Variants in ADAMTSL1 observed in about 807,000 individuals in gnomAD.
The protein encoded by ADAMTSL1 is ADAMTS like 1.
ADAMTSL1 carries 126 observed loss-of-function variants against 201.8 expected under a neutral mutation model. The observed-to-expected ratio is 0.62, with a 90% CI of 0.54 to 0.72. ADAMTSL1 has a LOEUF of 0.72. Among genes scored for constraint, ADAMTSL1 ranks in the 30% least tolerant of loss-of-function variants. The pLI is 0.00. For missense variants in ADAMTSL1, 2,679 were observed against 2,277.8 expected (o/e 1.18, Z -3.59); for synonymous variants, 1,121 against 903.4 (o/e 1.24, Z -4.32).
rs117524503 is a variant in ADAMTSL1, at chr9:18,407,438, A to C, written c.208-97391A>C. On this transcript the variant is annotated intron_variant, in intron 2 of 29. Transcript: ENST00000680146. ...GAAGAAGCAATTGAATCCTGGAATG[A>C]ATGAGAGAAGAGAGTTAAGGATTCT... Among the ~76,000 whole-genome samples, 551 of 152,310 alleles carry C rather than the reference A, an allele frequency of 3.6e-3. 2 individuals are homozygous for C. Among genetic ancestry groups the C allele is most frequent in the Admixed American group, 7.3e-3 (111 of 15,292 alleles).
chr9:18,858,580 G>A (rs937882041), intron 23 of ADAMTSL1, among the ~76,000 whole-genome samples: 5 of 152,326 alleles, frequency 3.3e-5, no homozygotes, highest in Admixed American at 1.3e-4. Flanking sequence ...GAAGCTAGTC[G>A]GTGAAATGGG....
chr9:18,173,203 A>G (rs1827983072), intron 2 of ADAMTSL1, among the ~76,000 whole-genome samples: 1 of 152,216 alleles, frequency 6.6e-6, no homozygotes, highest in African/African-American at 2.4e-5. Context: ...TATCTGGCAA[A>G]TAGAACAAAA....
At chr9:17,942,178 T>C (rs1342844039) in intron 1 of ADAMTSL1, among the ~76,000 whole-genome samples, 1 of 152,128 alleles carries the variant, frequency 6.6e-6, no homozygotes, top group East Asian at 1.9e-4. Flanking sequence ...GTTTGTTGGG[T>C]ACTGAGTGTC....
At chr9:18,890,325 C>T (rs1361869792) in intron 25 of ADAMTSL1, among the ~76,000 whole-genome samples, 2 of 152,190 alleles carry the variant, frequency 1.3e-5, no homozygotes, top group African/African-American at 2.4e-5. Context: ...CCCAGAGTGA[C>T]ACCTAAAGCC....
At chr9:18,613,828 G>A (rs1825539588) in intron 4 of ADAMTSL1, among the ~76,000 whole-genome samples, 2 of 152,176 alleles carry the variant, frequency 1.3e-5, no homozygotes, top group South Asian at 4.2e-4. Context: ...TATAGCCCAC[G>A]ACACGCATAT....
intron 22 of ADAMTSL1, among the ~76,000 whole-genome samples, chr9:18,829,477 C>T (rs1420484991): frequency 6.6e-6 from 1 of 152,124 alleles, no homozygotes; most frequent in Non-Finnish European, 1.5e-5. Context: ...GTATTTAGCA[C>T]AGAACTTGGC....
chr9:18,019,388 A>T (rs1220205084), intron 1 of ADAMTSL1, among the ~76,000 whole-genome samples: 1 of 152,102 alleles, frequency 6.6e-6, no homozygotes, highest in Non-Finnish European at 1.5e-5. Flanking sequence ...TCAAATTTAG[A>T]GTACTGTCAG....
chr9:18,296,001 T>C (rs1183332810), intron 2 of ADAMTSL1, among the ~76,000 whole-genome samples: 2 of 152,176 alleles, frequency 1.3e-5, no homozygotes, highest in African/African-American at 4.8e-5. Flanking sequence ...AATGATGCAA[T>C]ATAACATGAA....
At chr9:18,877,956 T>C (rs1382553753) in intron 23 of ADAMTSL1, among the ~76,000 whole-genome samples, 1 of 152,176 alleles carries the variant, frequency 6.6e-6, no homozygotes, top group Non-Finnish European at 1.5e-5. Flanking sequence ...CTGGGACTGC[T>C]ATAGGGGATT....
At chr9:18,484,056 C>T (rs781477644) in intron 1 of ADAMTSL1, among the ~76,000 whole-genome samples, 3 of 152,158 alleles carry the variant, frequency 2.0e-5, no homozygotes, top group Non-Finnish European at 4.4e-5. Flanking sequence ...TTGCATGTAG[C>T]ACGTCTCTGA....
At chr9:18,423,330 C>T (rs147557730) in intron 2 of ADAMTSL1, among the ~76,000 whole-genome samples, 2,084 of 152,246 alleles carry the variant, frequency 0.014, 29 homozygotes, top group Admixed American at 0.033. Context: ...ACATAAGTCA[C>T]CTAATAGGAA....
chr9:18,084,329 C>G (rs563237837), intron 1 of ADAMTSL1, among the ~76,000 whole-genome samples: 3 of 151,372 alleles, frequency 2.0e-5, no homozygotes, highest in Non-Finnish European at 2.9e-5. Context: ...AGAGACCAGC[C>G]TGGTCAACAT....
intron 1 of ADAMTSL1, among the ~76,000 whole-genome samples, chr9:18,076,417 A>T (rs1823227894): frequency 2.0e-5 from 3 of 152,218 alleles, no homozygotes; most frequent in South Asian, 2.1e-4. Flanking sequence ...GTGGAAAAAG[A>T]TCAGTGAGCA....
chr9:18,568,487 A>G (rs1364743829), intron 3 of ADAMTSL1, among the ~76,000 whole-genome samples: 1 of 152,190 alleles, frequency 6.6e-6, no homozygotes, highest in Non-Finnish European at 1.5e-5. Flanking sequence ...TTTTGAGGGT[A>G]AAACAACTGG....
intron 2 of ADAMTSL1, among the ~76,000 whole-genome samples, chr9:18,213,075 T>C (rs1829935223): frequency 6.6e-6 from 1 of 152,204 alleles, no homozygotes; most frequent in East Asian, 1.9e-4. Context: ...ATTTTATTTT[T>C]TGGCAGAAAT....
rs142528547 is a variant in ADAMTSL1, at chr9:18,876,596, T to C, written c.4250-11235T>C. Reference sequence around the variant, plus strand: ...AGATAGGACCCCAATCACTTCTAGCTTGTAGGGTTTCTGCCAAGAAATCTG... The same window carrying C: ...AGATAGGACCCCAATCACTTCTAGCCTGTAGGGTTTCTGCCAAGAAATCTG... On this transcript the variant is annotated intron_variant, in intron 23 of 28. Coordinates refer to ENST00000380548, the MANE Select transcript of ADAMTSL1 (RefSeq NM_001040272.6). 4.6e-3 allele frequency among the ~76,000 whole-genome samples: 703 copies of C among 152,322 alleles called. 6 individuals are homozygous for C. The highest frequency in any genetic ancestry group is 0.016 in the African/African-American group (660 of 41,566).
chr9:18,170,952 A>G (rs1827863621), intron 2 of ADAMTSL1, among the ~76,000 whole-genome samples: 1 of 152,126 alleles, frequency 6.6e-6, no homozygotes, highest in Non-Finnish European at 1.5e-5. Context: ...AGAATTATAA[A>G]TCCTTACTGA....
intron 2 of ADAMTSL1, among the ~76,000 whole-genome samples, chr9:18,460,646 A>G (rs1193096857): frequency 6.6e-6 from 1 of 152,212 alleles, no homozygotes; most frequent in Non-Finnish European, 1.5e-5. Flanking sequence ...CCAGGGTACT[A>G]TCGCTACGCT....
intron 14 of ADAMTSL1, among the ~76,000 whole-genome samples, chr9:18,720,077 G>A (rs563912851): frequency 3.4e-4 from 52 of 152,310 alleles, no homozygotes; most frequent in Non-Finnish European, 6.8e-4. Flanking sequence ...GCAAATTAGT[G>A]AGAATGTCCT....
Sources: gnomAD v4.1 joint callset for allele counts (sites outside exome capture counted in the v4.1 genomes callset) on GRCh38, gnomAD v4.1.1 for gene constraint, MANE v1.5 for transcripts, NCBI Gene and HGNC (gene_info 2026-07-23, HGNC 2026-07-21) for gene names.